UTRN: variants seen among roughly 807,000 people sequenced by gnomAD.
UTRN encodes dystrophin-related protein 1.
Under a neutral mutation model 463.9 loss-of-function variants are expected in UTRN, and 283 were observed. The ratio of observed to expected loss-of-function variants is 0.61; its 90% CI spans 0.55 to 0.67. The LOEUF (loss-of-function observed/expected upper bound fraction) is 0.67, where lower values mean the gene tolerates loss of function less well. UTRN is among the 30% of genes least tolerant of loss of function. UTRN has a pLI of 0.00. For missense variants in UTRN, 3,922 were observed against 4,084.3 expected, an observed-to-expected ratio of 0.96 and a Z score of 1.08; for synonymous variants, 1,442 against 1,431.5, an observed-to-expected ratio of 1.01 and a Z score of -0.17.
At chr6:144,590,121 A>G (rs1802875563) in intron 51 of UTRN, among the ~76,000 whole-genome samples, 1 of 152,176 alleles carries the variant, frequency 6.6e-6, no homozygotes, top group Admixed American at 6.5e-5. Flanking sequence ...TCGGCCTTCC[A>G]AAGTTCCTGA....
chr6:144,310,606 G>T (rs1169744770), intron 2 of UTRN, among the ~76,000 whole-genome samples: 1 of 150,782 alleles, frequency 6.6e-6, no homozygotes, highest in African/African-American at 2.4e-5. Context: ...GGAGGCCGAG[G>T]TGGGGAGACA....
At chr6:144,694,398 C>A (rs1783762041) in intron 52 of UTRN, among the ~76,000 whole-genome samples, 1 of 151,926 alleles carries the variant, frequency 6.6e-6, no homozygotes, top group Non-Finnish European at 1.5e-5. Flanking sequence ...ATGATGCTGG[C>A]CTCAAATAAT....
chr6:144,710,983 T>G (rs1785627473), intron 53 of UTRN, among the ~76,000 whole-genome samples: 1 of 152,132 alleles, frequency 6.6e-6, no homozygotes, highest in Admixed American at 6.5e-5. Context: ...TAACATAAAT[T>G]GCTACTTAAA....
chr6:144,629,599 A>G (rs943658122), intron 51 of UTRN, among the ~76,000 whole-genome samples: 13 of 152,232 alleles, frequency 8.5e-5, no homozygotes, highest in Admixed American at 7.9e-4. Context: ...GGGATGTTGC[A>G]TCCTAAATGC....
At chr6:144,711,900 G>T (rs2128704054) in intron 53 of UTRN, among the ~76,000 whole-genome samples, 1 of 152,158 alleles carries the variant, frequency 6.6e-6, no homozygotes, top group South Asian at 2.1e-4. Context: ...TAGCAAACTT[G>T]CTCATTAAAA....
At chr6:144,707,915 A>G (rs1785251848) in intron 53 of UTRN, among the ~76,000 whole-genome samples, 1 of 152,158 alleles carries the variant, frequency 6.6e-6, no homozygotes, top group African/African-American at 2.4e-5. Flanking sequence ...AGGTTCTTTT[A>G]AGTTCTAGGA....
chr6:144,701,578 A>G (rs1784596065), intron 53 of UTRN, among the ~76,000 whole-genome samples: 1 of 152,136 alleles, frequency 6.6e-6, no homozygotes, highest in Admixed American at 6.6e-5. Context: ...ATATCTCTTT[A>G]TGCCCATTTT....
intron 59 of UTRN, 85 bp from the exon 60 acceptor site, chr6:144,774,205 A>G (rs911506927): frequency 1.6e-6 from 2 of 1,286,274 alleles, no homozygotes; most frequent in African/African-American, 3.1e-5. Flanking sequence ...TTTTTTCATC[A>G]TCCAAAGTAA....
Position 144,433,180 on chromosome 6 carries a change from C to T in UTRN, c.856-2755C>T, listed in dbSNP as rs1280058914. Among the ~76,000 whole-genome samples the T allele has an allele frequency of 5.3e-5, 8 of 151,966 alleles. No individual in the cohort carries two copies. The South Asian group carries it at 8.3e-4, about 16-fold the overall frequency. ...CAAAACCGCCATTGTCATCATGGCCCGTTCTCAATGAGCTGTTGGGTACAC... is the reference window on the plus strand; with the variant it reads ...CAAAACCGCCATTGTCATCATGGCCTGTTCTCAATGAGCTGTTGGGTACAC... On this transcript the variant is annotated intron_variant, in intron 9 of 74. Coordinates refer to ENST00000367545, the MANE Select transcript of UTRN (RefSeq NM_007124.3).
At chr6:144,681,857 A>C (rs1782234293) in intron 52 of UTRN, among the ~76,000 whole-genome samples, 1 of 152,172 alleles carries the variant, frequency 6.6e-6, no homozygotes, top group Non-Finnish European at 1.5e-5. Context: ...GTTTGTGGGC[A>C]TATAGTAGGT....
chr6:144,335,680 A>G (rs1270086847), intron 2 of UTRN, among the ~76,000 whole-genome samples: 1 of 151,998 alleles, frequency 6.6e-6, no homozygotes, highest in African/African-American at 2.4e-5. Context: ...CTTTCCAGGA[A>G]CTCTGGCACT....
At chr6:144,388,992 T>A (rs1366495544) in intron 2 of UTRN, among the ~76,000 whole-genome samples, 4 of 152,182 alleles carry the variant, frequency 2.6e-5, no homozygotes, top group African/African-American at 4.8e-5. Flanking sequence ...TTAGAAAGTT[T>A]ATTTTGCTAA....
intron 18 of UTRN, among the ~76,000 whole-genome samples, chr6:144,452,263 C>G (rs1416953537): frequency 6.6e-6 from 1 of 152,142 alleles, no homozygotes; most frequent in African/African-American, 2.4e-5. Flanking sequence ...GAAGGTTGTT[C>G]TACCTAGTCA....
intron 62 of UTRN, among the ~76,000 whole-genome samples, chr6:144,792,757 T>C (rs1776871962): frequency 6.6e-6 from 1 of 152,226 alleles, no homozygotes; most frequent in Non-Finnish European, 1.5e-5. Flanking sequence ...ATGAAGTAGA[T>C]TGTTTGTATT....
chr6:144,361,847 C>G lies in UTRN; in HGVS notation c.80-41276C>G, dbSNP rs1277609676. 3.4e-5 allele frequency among the ~76,000 whole-genome samples: 5 copies of G among 148,972 alleles called. No homozygotes were observed. The East Asian group carries it at 9.8e-4, about 29-fold the overall frequency. ...TCTTGAACTCCTGGGCTTAAGTGATCCTCCTACTTTGGTCTCCTAAAAGTG... is the reference window on the plus strand; with the variant it reads ...TCTTGAACTCCTGGGCTTAAGTGATGCTCCTACTTTGGTCTCCTAAAAGTG... On this transcript the variant is annotated intron_variant, in intron 2 of 74. Transcript: ENST00000367545.
chr6:144,353,143 C>G (rs1206015176), intron 2 of UTRN, among the ~76,000 whole-genome samples: 3 of 151,978 alleles, frequency 2.0e-5, no homozygotes, highest in African/African-American at 7.3e-5. Context: ...GGGTAAGAGT[C>G]TCGCTCTGTT....
At chr6:144,571,173 G>T (rs1179809174) in intron 50 of UTRN, among the ~76,000 whole-genome samples, 1 of 151,988 alleles carries the variant, frequency 6.6e-6, no homozygotes, top group Non-Finnish European at 1.5e-5. Flanking sequence ...TTTAATCTTT[G>T]TTTTCTAGTG....
chr6:144,451,113 A>AAACAAC (rs111594852), intron 17 of UTRN, among the ~76,000 whole-genome samples: 4,452 of 152,148 alleles, frequency 0.029, 193 homozygotes, highest in African/African-American at 0.095. Context: ...CTCCATCTCG[A>AAACAAC]AACAACAACA....
intron 41 of UTRN, among the ~76,000 whole-genome samples, chr6:144,530,403 T>A (rs1328366881): frequency 6.6e-6 from 1 of 152,172 alleles, no homozygotes; most frequent in East Asian, 1.9e-4. Context: ...AAGCTCTATC[T>A]CTAAGTACAG....
Sources: gnomAD v4.1 joint callset for allele counts (sites outside exome capture counted in the v4.1 genomes callset) on GRCh38, gnomAD v4.1.1 for gene constraint, MANE v1.5 for transcripts, NCBI Gene and HGNC (gene_info 2026-07-23, HGNC 2026-07-21) for gene names.